The following TTLL3 variants were observed in gnomAD, a reference collection of about 807,000 sequenced individuals.
TTLL3 encodes tubulin tyrosine ligase like 3, also known as tubulin monoglycylase TTLL3.
In TTLL3, 63 loss-of-function variants were observed where a neutral mutation model predicts 75.2. That is an observed-to-expected ratio of 0.84 (90% CI 0.68 to 1.03). TTLL3 has a LOEUF of 1.03. TTLL3 is among the 50% of genes least tolerant of loss of function. TTLL3 has a pLI of 0.00. For missense variants in TTLL3, 997 were observed against 1,069.9 expected (o/e 0.93, Z 0.95); for synonymous variants, 393 against 418.5 (o/e 0.94, Z 0.74).
intron 7 of TTLL3, chr3:9,820,046 G>A: frequency 1.0e-6 from 1 of 990,154 alleles, no homozygotes; most frequent in Non-Finnish European, 1.2e-6. Context: ...GTGTGTCAGG[G>A]CCTTGTGCAG....
intron 8 of TTLL3, among the ~76,000 whole-genome samples, chr3:9,822,372 TC>T (rs1334006688): frequency 6.6e-6 from 1 of 151,510 alleles, no homozygotes; most frequent in Non-Finnish European, 1.5e-5. Flanking sequence ...CGGCCATGAG[TC>T]CTTTTTATTT....
Position 9,833,404 on chromosome 3 carries a change from C to T in TTLL3, c.1825+159C>T. ...GAAAAGGGCCACAGCCCTGGTCTGC[C>T]CCAATCTCTGGGAGTGGGATGCCCC... On this transcript the variant is annotated intron_variant, in intron 12 of 13. Coordinates refer to ENST00000685419, the MANE Select transcript of TTLL3 (RefSeq NM_001387446.1). The T allele has an allele frequency of 4.2e-6, 5 of 1,189,784 alleles. No homozygotes were observed. In the South Asian group the frequency reaches 7.6e-5, roughly 18 times the overall value. The allele number at this position is 1,189,784 out of a possible 1,614,324, so 73.7% of individuals were successfully genotyped here. A position where few individuals can be genotyped will look rare whatever the true frequency, so the allele number is the denominator to read the frequency against.
Position 9,817,712 on chromosome 3 carries a change from C to T in TTLL3, c.512C>T (p.Pro171Leu). The T allele has an allele frequency of 4.3e-6, 7 of 1,614,144 alleles. No individual in the cohort carries two copies. Among genetic ancestry groups the T allele is most frequent in the Non-Finnish European group, 5.9e-6 (7 of 1,180,034 alleles). ...FDEVDANSFF[P>L]RCYCLGAEDD... Reference sequence around the variant, plus strand: ...GAGGTTGATGCCAACTCCTTCTTCCCACGCTGCTACTGCCTGGGGGCTGAG... The same window carrying T: ...GAGGTTGATGCCAACTCCTTCTTCCTACGCTGCTACTGCCTGGGGGCTGAG... Residue 171 changes from proline to leucine, a missense_variant, in exon 6 of 14, where the codon CCA becomes CTA. By Grantham distance (98) the Pro-to-Leu change is moderately conservative. Transcript: ENST00000685419.
intron 9 of TTLL3, among the ~76,000 whole-genome samples, 160 bp downstream of exon 9, chr3:9,826,108 C>T (rs2081013210): frequency 6.6e-6 from 1 of 152,190 alleles, no homozygotes; most frequent in Non-Finnish European, 1.5e-5. Context: ...CAGGTTTTAG[C>T]GCCTCCCTGA....
At chr3:9,825,705 A>G in intron 8 of TTLL3, 95 bp from the exon 9 acceptor site, 1 of 1,609,088 alleles carries the variant, frequency 6.2e-7, no homozygotes, top group South Asian at 1.1e-5. Context: ...GGCTGCCTGG[A>G]TGACGGCGGG....
At chr3:9,814,885 G>A (rs1304588894) in intron 4 of TTLL3, among the ~76,000 whole-genome samples, 2 of 152,018 alleles carry the variant, frequency 1.3e-5, no homozygotes, top group African/African-American at 4.8e-5. Context: ...TGCACGTTGA[G>A]GTGAGGGCCC....
intron 2 of TTLL3, among the ~76,000 whole-genome samples, chr3:9,812,437 C>G (rs1405226410): frequency 6.6e-6 from 1 of 152,130 alleles, no homozygotes; most frequent in Non-Finnish European, 1.5e-5. Flanking sequence ...ATCGCTCGAA[C>G]CCGGGAGGTG....
chr3:9,815,779 G>A (rs76216364), intron 4 of TTLL3, among the ~76,000 whole-genome samples: 4,482 of 152,332 alleles, frequency 0.029, 202 homozygotes, highest in African/African-American at 0.1. Flanking sequence ...ACCGCCTGGG[G>A]GCTGACAAGC....
rs950410123 is a variant in TTLL3, at chr3:9,810,668, C to T, written c.7C>T (p.Arg3Trp). Residue 3 changes from arginine to tryptophan, a missense_variant, in exon 2 of 14, where the codon CGG becomes TGG. Physicochemically the swap from Arg to Trp is moderately radical, Grantham distance 101. Coordinates refer to ENST00000685419, the MANE Select transcript of TTLL3 (RefSeq NM_001387446.1). This position sits in a 1 kb window ranked among gnomAD's most constrained non-coding sequence, Gnocchi z 4.4. ...ATCCTCCAAGGCGTCTCACATGAAC[C>T]GGCTCAGAAACGCCAAAATCTACGT... MN[R>W]LRNAKIYVER... 1.9e-6 allele frequency: 3 copies of T among 1,585,702 alleles called. No individual in the cohort carries two copies. Among genetic ancestry groups the T allele is most frequent in the Admixed American group, 1.8e-5 (1 of 54,532 alleles).
chr3:9,823,556 C>T (rs1259893934), intron 8 of TTLL3, among the ~76,000 whole-genome samples: 3 of 151,852 alleles, frequency 2.0e-5, no homozygotes, highest in Admixed American at 2.0e-4. Flanking sequence ...TCAAATTACG[C>T]TCCTGTGTGA....
At position 9,835,527 on chromosome 3, in the gene TTLL3, T is replaced by C; in HGVS notation, c.*38T>C. 6.5e-7 allele frequency: 1 copy of C among 1,532,462 alleles called. No homozygotes were observed. Among genetic ancestry groups the C allele is most frequent in the Non-Finnish European group, 8.7e-7 (1 of 1,143,494 alleles). The allele number at this position is 1,532,462 out of a possible 1,614,324, so 94.9% of individuals were successfully genotyped here. A position where few individuals can be genotyped will look rare whatever the true frequency, so the allele number is the denominator to read the frequency against. Reference sequence around the variant, plus strand: ...CTCCTCCGTGCAGCGAGGCCCAGAATTCCCACCTAAGGACAGACATGGGGC... The same window carrying C: ...CTCCTCCGTGCAGCGAGGCCCAGAACTCCCACCTAAGGACAGACATGGGGC... On this transcript the variant is annotated 3_prime_UTR_variant, in exon 14 of 14. Coordinates refer to ENST00000685419, the MANE Select transcript of TTLL3 (RefSeq NM_001387446.1).
chr3:9,825,328 A>AGATCTCGGTGGTCG, intron 8 of TTLL3: 1 of 176,512 alleles, frequency 5.7e-6, no homozygotes, highest in South Asian at 6.8e-5. Flanking sequence ...ACAGACCAAG[A>AGATCTCGGTGGTCG]CCCTGTCTCA....
In TTLL3 at chr3:9,829,227, C is replaced by T; in HGVS notation, c.1515C>T (p.Asp505=). Residue 505 remains aspartate, a synonymous_variant, in exon 11 of 14, where the codon GAC becomes GAT. Coordinates refer to ENST00000685419, the MANE Select transcript of TTLL3 (RefSeq NM_001387446.1). ...LYGADFVFGE[D]FQPWLIEINA... is the part of the protein sequence containing the mutation. ...GCGCTGACTTCGTGTTCGGGGAGGACTTCCAGCCCTGGCTGATTGAGATCA... is the reference window on the plus strand; with the variant it reads ...GCGCTGACTTCGTGTTCGGGGAGGATTTCCAGCCCTGGCTGATTGAGATCA... 3 of 1,614,240 alleles carry T rather than the reference C, an allele frequency of 1.9e-6. No homozygotes were observed.
In TTLL3 at chr3:9,819,121, T is replaced by A. The variant is rs2080175717; in HGVS notation, c.658+201T>A. On this transcript the variant is annotated intron_variant, in intron 7 of 13. Transcript: ENST00000685419. ...CATCCACCCACGTATTCACCCACTCTCTGATCTACCGATTCACCCACCCAC... is the reference window on the plus strand; with the variant it reads ...CATCCACCCACGTATTCACCCACTCACTGATCTACCGATTCACCCACCCAC... 2.9e-5 allele frequency: 19 copies of A among 663,642 alleles called. No individual in the cohort carries two copies. In the South Asian group the frequency reaches 3.7e-4, roughly 13 times the overall value. 41.1% of individuals were successfully genotyped at this position (663,642 alleles called of 1,614,324 possible).
In TTLL3 at chr3:9,810,448, A is replaced by G. The variant is rs1226477136; in HGVS notation, c.-42+54A>G. The G allele has an allele frequency of 7.0e-7, 1 of 1,429,654 alleles. No individual in the cohort carries two copies. Among genetic ancestry groups the G allele is most frequent in the Non-Finnish European group, 9.1e-7 (1 of 1,096,246 alleles). The allele number at this position is 1,429,654 out of a possible 1,614,324, so 88.6% of individuals were successfully genotyped here. A position where few individuals can be genotyped will look rare whatever the true frequency, so the allele number is the denominator to read the frequency against. ...GCCTACAGCGGCTGCGAGGACGACA[A>G]GACGCTGGGGTGGAGGGACTGGGGG... On this transcript the variant is annotated intron_variant, in intron 1 of 13. Transcript: ENST00000685419. The surrounding 1 kb of genome is among the most constrained non-coding windows in gnomAD (Gnocchi z 4.4).
In TTLL3 at chr3:9,816,123, G is replaced by A. The variant is rs754441701; in HGVS notation, c.365G>A (p.Arg122Gln). 17 of 1,350,446 alleles carry A rather than the reference G, an allele frequency of 1.3e-5. No homozygotes were observed. The highest frequency in any genetic ancestry group is 4.7e-5 in the East Asian group (1 of 21,254). The allele number at this position is 1,350,446 out of a possible 1,614,324, so 83.7% of individuals were successfully genotyped here. A position where few individuals can be genotyped will look rare whatever the true frequency, so the allele number is the denominator to read the frequency against. Residue 122 changes from arginine (R) to glutamine (Q), a missense_variant, in exon 5 of 14, where the codon CGG becomes CAG. Arg to Gln is a conservative substitution (Grantham distance 43, BLOSUM62 1). Transcript: ENST00000685419. ...CCCTACTTCATCTGGACCACTCGGC[G>A]GGATGTGCTCGACTGTCGCTTCCTC... ...EIPYFIWTTR[R>Q]DVLDCRFLSK...
rs766868046 is a variant in TTLL3, at chr3:9,833,138, G to A, written c.1718G>A (p.Arg573Gln). ...GAGGTGCCTCAATATGTGGGCATCCGGCTCCTGGTAGAGGGCTTCACCATC... is the reference window on the plus strand; with the variant it reads ...GAGGTGCCTCAATATGTGGGCATCCAGCTCCTGGTAGAGGGCTTCACCATC... ...AVEVPQYVGI[R>Q]LLVEGFTIKK... Residue 573 changes from arginine (R) to glutamine (Q), a missense_variant, in exon 12 of 14, where the codon CGG becomes CAG. Coordinates refer to ENST00000685419, the MANE Select transcript of TTLL3 (RefSeq NM_001387446.1). The A allele has an allele frequency of 5.1e-5, 82 of 1,614,152 alleles. 1 individual carries two copies. In the South Asian group the frequency reaches 6.1e-4, roughly 12 times the overall value.
At chr3:9,816,487 T>C (rs982932641) in intron 5 of TTLL3, among the ~76,000 whole-genome samples, 3 of 149,804 alleles carry the variant, frequency 2.0e-5, no homozygotes, top group Admixed American at 6.6e-5. Context: ...GCAGAAGATA[T>C]CTGGCTAATG....
chr3:9,818,899 G>A lies in TTLL3; in HGVS notation c.637G>A (p.Ala213Thr). The A allele has an allele frequency of 1.2e-6, 2 of 1,614,046 alleles. No homozygotes were observed. The highest frequency in any genetic ancestry group is 1.7e-6 in the Non-Finnish European group (2 of 1,180,014). The change falls in exon 7 of 14, where the codon GCA (alanine) becomes ACA (threonine). Residue 213 changes from alanine (A) to threonine (T), a missense_variant. Ala to Thr is a moderately conservative substitution (Grantham distance 58). Transcript: ENST00000685419. ...TGAGTGGAAGTCATACCCTATTCAG[G>A]CAGTAGAGGAAGAGGCCTCAGGTAA... is the stretch of plus-strand genomic sequence containing the variant. ...KSEWKSYPIQ[A>T]VEEEASGDKQ...
Sources: gnomAD v4.1 joint callset for allele counts (sites outside exome capture counted in the v4.1 genomes callset) on GRCh38, gnomAD v4.1.1 for gene constraint, Gnocchi (gnomAD v3.1) non-coding constraint, MANE v1.5 for transcripts, NCBI Gene and HGNC (gene_info 2026-07-23, HGNC 2026-07-21) for gene names.